The following TRPC4 variants were observed in gnomAD, a reference collection of about 807,000 sequenced individuals.
TRPC4 encodes the protein short transient receptor potential channel 4.
A neutral mutation model predicts 99.4 loss-of-function variants in TRPC4; 49 were observed. That is an observed-to-expected ratio of 0.49 (90% CI 0.39 to 0.63). The LOEUF is 0.63. Among genes scored for constraint, TRPC4 ranks in the 20% least tolerant of loss-of-function variants. TRPC4 has a pLI of 0.00. For missense variants in TRPC4, 898 were observed against 1,152.9 expected, an observed-to-expected ratio of 0.78 and a Z score of 3.20; for synonymous variants, 454 against 425.9, an observed-to-expected ratio of 1.07 and a Z score of -0.81.
At chr13:37,860,142 C>T (rs1959223020) in intron 1 of TRPC4, among the ~76,000 whole-genome samples, 1 of 151,268 alleles carries the variant, frequency 6.6e-6, no homozygotes, top group African/African-American at 2.4e-5. Context: ...ACTGAAAGTA[C>T]TTATTGCATA....
chr13:37,826,745 T>C (rs890595550), intron 1 of TRPC4, among the ~76,000 whole-genome samples: 1 of 152,208 alleles, frequency 6.6e-6, no homozygotes, highest in Admixed American at 6.5e-5. Context: ...CTGACAATTA[T>C]GTGTCTTGGA....
At chr13:37,669,362 A>G (rs1296097051) in intron 5 of TRPC4, among the ~76,000 whole-genome samples, 1 of 152,200 alleles carries the variant, frequency 6.6e-6, no homozygotes, top group Non-Finnish European at 1.5e-5. Context: ...CCAGGCATCA[A>G]CAAACTCCAG....
At chr13:37,724,662 T>C (rs2139051162) in intron 3 of TRPC4, among the ~76,000 whole-genome samples, 1 of 152,292 alleles carries the variant, frequency 6.6e-6, no homozygotes, top group Admixed American at 6.5e-5. Context: ...ACAATCTAAG[T>C]AGTTGGTAAC....
intron 2 of TRPC4, among the ~76,000 whole-genome samples, chr13:37,760,733 T>C (rs1956201288): frequency 6.6e-6 from 1 of 151,920 alleles, no homozygotes; most frequent in Non-Finnish European, 1.5e-5. Context: ...AATAATCTCA[T>C]CAGCTATTGT....
intron 5 of TRPC4, among the ~76,000 whole-genome samples, chr13:37,666,712 A>G (rs188735744): frequency 6.0e-4 from 91 of 152,284 alleles, no homozygotes; most frequent in African/African-American, 2.1e-3. Context: ...GCTATTTAGG[A>G]GCAATTTACA....
chr13:37,791,003 A>C (rs1333674026), intron 1 of TRPC4, among the ~76,000 whole-genome samples: 1 of 152,260 alleles, frequency 6.6e-6, no homozygotes, highest in East Asian at 1.9e-4. Context: ...AAAATTATTT[A>C]AATGCAGGAA....
intron 3 of TRPC4, among the ~76,000 whole-genome samples, chr13:37,736,439 T>C (rs928773234): frequency 3.9e-5 from 6 of 152,050 alleles, no homozygotes; most frequent in African/African-American, 1.4e-4. Context: ...CAGTGTAGTC[T>C]CACGTATGAA....
chr13:37,696,128 G>A (rs1199476313), intron 3 of TRPC4, among the ~76,000 whole-genome samples: 2 of 152,172 alleles, frequency 1.3e-5, no homozygotes, highest in East Asian at 3.9e-4. Flanking sequence ...CATGATGGCA[G>A]ACAAAAGAAG....
intron 4 of TRPC4, among the ~76,000 whole-genome samples, chr13:37,678,763 A>G (rs181889596): frequency 9.4e-4 from 143 of 152,262 alleles, no homozygotes; most frequent in African/African-American, 3.4e-3. Context: ...TTACACTGAT[A>G]AACAATCAGA....
chr13:37,811,024 ATCT>A (rs2139475206), intron 1 of TRPC4, among the ~76,000 whole-genome samples: 1 of 152,198 alleles, frequency 6.6e-6, no homozygotes, highest in East Asian at 1.9e-4. Context: ...ATATTCCCAG[ATCT>A]TCTTTCAAAT....
intron 1 of TRPC4, among the ~76,000 whole-genome samples, chr13:37,844,363 C>T (rs902476024): frequency 3.9e-5 from 6 of 151,966 alleles, no homozygotes; most frequent in African/African-American, 1.2e-4. Context: ...GGCACAATCT[C>T]GGCTCACTGC....
chr13:37,813,016 C>A (rs1179709467), intron 1 of TRPC4, among the ~76,000 whole-genome samples: 2 of 151,750 alleles, frequency 1.3e-5, no homozygotes, highest in African/African-American at 4.8e-5. Context: ...AAAAGTCAAT[C>A]TAGAATTTTA....
At chr13:37,843,040 A>C (rs193021652) in intron 1 of TRPC4, among the ~76,000 whole-genome samples, 48 of 152,332 alleles carry the variant, frequency 3.2e-4, no homozygotes, top group Non-Finnish European at 1.6e-4. Context: ...GAGTACATGA[A>C]GATGTTCCAG....
intron 2 of TRPC4, among the ~76,000 whole-genome samples, chr13:37,772,328 G>T (rs1161782570): frequency 6.6e-6 from 1 of 151,698 alleles, no homozygotes; most frequent in East Asian, 2.0e-4. Flanking sequence ...AAAGAGTTGG[G>T]GGAAAGCATG....
In TRPC4 at chr13:37,790,172, A is replaced by G. The variant is rs374505762; in HGVS notation, c.-27-6812T>C. Among the ~76,000 whole-genome samples the G allele has an allele frequency of 9.7e-4, 148 of 152,296 alleles. 4 individuals are homozygous for G. In the South Asian group the frequency reaches 0.026, roughly 26 times the overall value. Reference sequence around the variant, plus strand: ...ATAGAGAATAGAAACACAAGGGCCAATATCTATAAAATAGTAGTTGCAGAA... The same window carrying G: ...ATAGAGAATAGAAACACAAGGGCCAGTATCTATAAAATAGTAGTTGCAGAA... On this transcript the variant is annotated intron_variant, in intron 1 of 10. Coordinates refer to ENST00000379705, the MANE Select transcript of TRPC4 (RefSeq NM_016179.4).
At chr13:37,824,464 TGA>T (rs1958136222) in intron 1 of TRPC4, among the ~76,000 whole-genome samples, 1 of 152,132 alleles carries the variant, frequency 6.6e-6, no homozygotes, top group African/African-American at 2.4e-5. Context: ...CCTAATTTAT[TGA>T]GAGTTTTTAG....
intron 1 of TRPC4, among the ~76,000 whole-genome samples, chr13:37,819,340 A>T (rs1043966977): frequency 3.3e-5 from 5 of 152,120 alleles, no homozygotes; most frequent in Non-Finnish European, 7.4e-5. Context: ...ATATACTCAA[A>T]GGAATACATA....
intron 4 of TRPC4, among the ~76,000 whole-genome samples, chr13:37,675,650 C>A (rs1268852404): frequency 6.6e-6 from 1 of 152,182 alleles, no homozygotes; most frequent in Non-Finnish European, 1.5e-5. Flanking sequence ...AGAAAGCACT[C>A]CTGAGCCTCA....
At chr13:37,776,208 T>G (rs992168521) in intron 2 of TRPC4, among the ~76,000 whole-genome samples, 5 of 151,834 alleles carry the variant, frequency 3.3e-5, no homozygotes, top group African/African-American at 1.2e-4. Context: ...TCAATTTAAT[T>G]TTTAGACATT....
Sources: gnomAD v4.1 joint callset for allele counts (sites outside exome capture counted in the v4.1 genomes callset) on GRCh38, gnomAD v4.1.1 for gene constraint, MANE v1.5 for transcripts, NCBI Gene and HGNC (gene_info 2026-07-23, HGNC 2026-07-21) for gene names.